Variants in CAMK2G observed in about 807,000 individuals in gnomAD.
CAMK2G encodes the protein calcium/calmodulin-dependent protein kinase type II subunit gamma.
Under a neutral mutation model 88.7 loss-of-function variants are expected in CAMK2G, and 23 were observed. That is an observed-to-expected ratio of 0.26 (90% CI 0.19 to 0.37). The LOEUF (loss-of-function observed/expected upper bound fraction) is 0.37, where lower values mean the gene tolerates loss of function less well. CAMK2G is among the 10% of genes least tolerant of loss of function. CAMK2G has a pLI of 1.00. For missense variants in CAMK2G, 476 were observed against 780.8 expected (o/e 0.61, Z 4.65); for synonymous variants, 263 against 294.8 (o/e 0.89, Z 1.11).
At chr10:73,824,884 G>T (rs1023481385) in intron 16 of CAMK2G, among the ~76,000 whole-genome samples, 2 of 152,188 alleles carry the variant, frequency 1.3e-5, no homozygotes. Flanking sequence ...GCTGAGGCAG[G>T]TTTTACAAGG....
intron 2 of CAMK2G, among the ~76,000 whole-genome samples, chr10:73,861,504 C>T (rs768957178): frequency 1.3e-5 from 2 of 152,180 alleles, no homozygotes; most frequent in Non-Finnish European, 2.9e-5. Context: ...TACAGGCACA[C>T]ACCACCACGC....
chr10:73,822,447 C>CCAAA (rs2089267641), intron 17 of CAMK2G, among the ~76,000 whole-genome samples: 1 of 152,182 alleles, frequency 6.6e-6, no homozygotes, highest in Non-Finnish European at 1.5e-5. Flanking sequence ...GGATTACGGG[C>CCAAA]GTGAGCCACC....
chr10:73,853,378 A>C (rs949345774), intron 3 of CAMK2G, 132 bp from the exon 4 acceptor site: 6 of 761,738 alleles, frequency 7.9e-6, no homozygotes, highest in African/African-American at 7.0e-5. Context: ...AGTGGGGGGA[A>C]GTGGCGACGT....
At chr10:73,873,158 C>T (rs920743476) in intron 1 of CAMK2G, 75 bp from the exon 2 acceptor site, 3 of 1,100,352 alleles carry the variant, frequency 2.7e-6, no homozygotes, top group East Asian at 2.3e-5. Context: ...AGTCTGGGGA[C>T]GATGATGCTC....
chr10:73,815,726 A>T, intron 21 of CAMK2G: 1 of 824,098 alleles, frequency 1.2e-6, no homozygotes, highest in Non-Finnish European at 1.5e-6. Flanking sequence ...CAAAATCATG[A>T]ACTTAAACCA....
At chr10:73,844,219 A>G (rs2094047381) in intron 10 of CAMK2G, among the ~76,000 whole-genome samples, 1 of 151,368 alleles carries the variant, frequency 6.6e-6, no homozygotes, top group Non-Finnish European at 1.5e-5. Context: ...TCAGCCTCCC[A>G]AGTAGCTAAG....
intron 18 of CAMK2G, among the ~76,000 whole-genome samples, chr10:73,820,808 G>A (rs901275457): frequency 1.3e-5 from 2 of 150,942 alleles, no homozygotes; most frequent in South Asian, 2.1e-4. Context: ...GAGTAGCTAC[G>A]ATTACAGGCA....
rs559033745 is a variant in CAMK2G at position 73,814,276 on chromosome 10, A to T, written c.*242T>A. 2.1e-5 allele frequency: 3 copies of T among 143,140 alleles called. No homozygotes were observed. The Admixed American group carries it at 2.1e-4, about 10-fold the overall frequency. The allele number at this position is 143,140 out of a possible 1,614,324, so 8.9% of individuals were successfully genotyped here. ...GTATGGATTCCTTTTTTTTTTAAAC[A>T]ATCTTTTTTTCTTTTTTTTTTTTCT... On this transcript the variant is annotated 3_prime_UTR_variant, in exon 23 of 23. Coordinates refer to ENST00000423381, the MANE Select transcript of CAMK2G (RefSeq NM_001367534.1).
intron 2 of CAMK2G, among the ~76,000 whole-genome samples, chr10:73,867,684 C>T (rs778769609): frequency 7.9e-5 from 12 of 152,048 alleles, no homozygotes; most frequent in Non-Finnish European, 1.2e-4. Flanking sequence ...TGGGTACAGA[C>T]GGGAATGGGG....
chr10:73,817,634 T>TC, intron 19 of CAMK2G, 80 bp from the exon 20 acceptor site: 2 of 891,060 alleles, frequency 2.2e-6, no homozygotes, highest in Non-Finnish European at 3.8e-6. Context: ...TCCTCAGGAG[T>TC]CCCCTGTGAT....
chr10:73,822,260 C>T (rs2089173806), intron 17 of CAMK2G, among the ~76,000 whole-genome samples: 1 of 152,142 alleles, frequency 6.6e-6, no homozygotes, highest in African/African-American at 2.4e-5. Context: ...CTCTGCCTCC[C>T]GGGTTCAAGT....
chr10:73,824,144 A>G, intron 16 of CAMK2G, 60 bp from the exon 17 acceptor site: 1 of 1,356,700 alleles, frequency 7.4e-7, no homozygotes, highest in Non-Finnish European at 1.1e-6. Flanking sequence ...CTCTTCCCTG[A>G]GGAGCCCCAC....
intron 3 of CAMK2G, among the ~76,000 whole-genome samples, 188 bp from the exon 4 acceptor site, chr10:73,853,434 C>T (rs370736129): frequency 2.0e-5 from 3 of 152,208 alleles, no homozygotes; most frequent in Non-Finnish European, 4.4e-5. Flanking sequence ...GGAGCCAGAG[C>T]CTGGCGCTCT....
chr10:73,820,149 G>T (rs2087385633), intron 18 of CAMK2G, among the ~76,000 whole-genome samples: 1 of 152,118 alleles, frequency 6.6e-6, no homozygotes, highest in African/African-American at 2.4e-5. Flanking sequence ...CTCTGTCCTA[G>T]AGTGTTCCTC....
In CAMK2G at chr10:73,842,558, C is replaced by T; in HGVS notation, c.820-17G>A. The T allele has an allele frequency of 1.3e-6, 2 of 1,589,512 alleles. No individual in the cohort carries two copies. The highest frequency in any genetic ancestry group is 2.2e-5 in the East Asian group (1 of 44,772). On this transcript the variant is annotated splice_polypyrimidine_tract_variant and intron_variant, in intron 10 of 22. Coordinates refer to ENST00000423381, the MANE Select transcript of CAMK2G (RefSeq NM_001367534.1). This position sits in a 1 kb window ranked among gnomAD's most constrained non-coding sequence, Gnocchi z 4.6. ...GGATCGTTGCTAGAAACCAAACAGA[C>T]AGGCTATGAGCCCCAGCCCAGATCC... is the stretch of plus-strand genomic sequence containing the variant.
chr10:73,814,036 T>A lies in CAMK2G; in HGVS notation c.*482A>T, dbSNP rs1455041567. 6.6e-6 allele frequency: 1 copy of A among 152,328 alleles called. No individual in the cohort carries two copies. Among genetic ancestry groups the A allele is most frequent in the Non-Finnish European group, 1.5e-5 (1 of 68,060 alleles). 9.4% of individuals were successfully genotyped at this position (152,328 alleles called of 1,614,324 possible). A position where few individuals can be genotyped will look rare whatever the true frequency, so the allele number is the denominator to read the frequency against. ...AAGAAGTTCATTCCTAGACCTGGGG[T>A]AAGCAGGCCACCTCAGGAGCTGCAA... is the stretch of plus-strand genomic sequence containing the variant. On this transcript the variant is annotated 3_prime_UTR_variant, in exon 23 of 23. Coordinates refer to ENST00000423381, the MANE Select transcript of CAMK2G (RefSeq NM_001367534.1).
chr10:73,823,108 C>A (rs1181502174), intron 17 of CAMK2G, among the ~76,000 whole-genome samples: 1 of 152,210 alleles, frequency 6.6e-6, no homozygotes, highest in East Asian at 1.9e-4. Context: ...GTGATCCGCC[C>A]GCCTTGGCCT....
chr10:73,847,156 G>C (rs2094307085), intron 10 of CAMK2G, 69 bp downstream of exon 10: 2 of 1,523,966 alleles, frequency 1.3e-6, no homozygotes, highest in Non-Finnish European at 1.8e-6. Flanking sequence ...TAAGAAGGAG[G>C]GGGTGGTGCC....
At chr10:73,850,849 G>A (rs1452175735) in intron 5 of CAMK2G, among the ~76,000 whole-genome samples, 1 of 152,036 alleles carries the variant, frequency 6.6e-6, no homozygotes, top group African/African-American at 2.4e-5. Flanking sequence ...CTGAGCTATA[G>A]AGGCGAGTCT....
Sources: allele counts gnomAD v4.1 joint callset (sites outside exome capture counted in the v4.1 genomes callset), GRCh38; gene constraint gnomAD v4.1.1; non-coding constraint Gnocchi (gnomAD v3.1); transcripts MANE v1.5; gene names NCBI Gene and HGNC (gene_info 2026-07-23, HGNC 2026-07-21).